TJP3: variants seen among roughly 807,000 people sequenced by gnomAD.
TJP3 encodes the protein tight junction protein ZO-3.
Under a neutral mutation model 104.2 loss-of-function variants are expected in TJP3, and 85 were observed. The observed-to-expected ratio is 0.82, with a 90% CI of 0.68 to 0.98. The LOEUF (loss-of-function observed/expected upper bound fraction) is 0.98. Ranked by LOEUF, TJP3 falls within the 50% of genes least tolerant of loss-of-function variation. The pLI is 0.00. For synonymous variants in TJP3, 550 were observed against 550.6 expected (o/e 1.00, Z 0.02); for missense variants, 1,367 against 1,322.8 (o/e 1.03, Z -0.52).
rs757816503 is a variant in TJP3 at position 3,746,746 on chromosome 19, C to T, written c.2222-30C>T. The T allele has an allele frequency of 4.4e-6, 7 of 1,600,542 alleles. No homozygotes were observed. In the South Asian group the frequency reaches 5.6e-5, roughly 13 times the overall value. On this transcript the variant is annotated intron_variant, in intron 17 of 20. Transcript: ENST00000541714. This position sits in a 1 kb window ranked among gnomAD's most constrained non-coding sequence, Gnocchi z 4.1. ...GGCGGGTGGGCCCCAGCCTGAGTCT[C>T]CTGCACACACTGACGTCCCCTCCCT... is the stretch of plus-strand genomic sequence containing the variant.
chr19:3,733,726 C>T (rs752926725), intron 6 of TJP3, 27 bp from the exon 7 acceptor site: 40 of 1,612,110 alleles, frequency 2.5e-5, no homozygotes, highest in African/African-American at 6.7e-5. Flanking sequence ...AACTCACTTC[C>T]GCTCTTTCAT....
Position 3,747,864 on chromosome 19 carries a change from G to C in TJP3, c.2393G>C (p.Ser798Thr). 1.2e-6 allele frequency: 2 copies of C among 1,612,362 alleles called. No individual in the cohort carries two copies. Among genetic ancestry groups the C allele is most frequent in the Non-Finnish European group, 1.7e-6 (2 of 1,179,846 alleles). ...HGLADSSADLSCDSRVNSDYE... is the reference protein window; with the variant it reads ...HGLADSSADLTCDSRVNSDYE... The stretch of plus-strand genomic sequence containing the variant: ...CTGGCCGACAGCTCCGCTGACCTCA[G>C]CTGCGACAGCCGCGTTAACAGCGAC... The change falls in exon 19 of 21, where the codon AGC becomes ACC. Residue 798 changes from serine to threonine, a missense_variant. By Grantham distance (58) the Ser-to-Thr change is moderately conservative. Transcript: ENST00000541714.
chr19:3,739,234 G>C, intron 13 of TJP3, 100 bp downstream of exon 13: 1 of 1,131,328 alleles, frequency 8.8e-7, no homozygotes, highest in South Asian at 1.7e-5. Context: ...GCTCAGGCCT[G>C]TAATCCTGGC....
chr19:3,723,796 A>AG (rs1415923659), intron 1 of TJP3, among the ~76,000 whole-genome samples: 1 of 62,070 alleles, frequency 1.6e-5, no homozygotes, highest in Admixed American at 2.3e-4. Flanking sequence ...CTGTCTCAAA[A>AG]GAAAAAAAAA....
At chr19:3,714,108 T>C (rs1373565684) in intron 1 of TJP3, among the ~76,000 whole-genome samples, 1 of 151,850 alleles carries the variant, frequency 6.6e-6, no homozygotes, top group East Asian at 1.9e-4. Context: ...TGGAGTGCAG[T>C]GGCGCAATCT....
rs1599152351 is a variant in TJP3, at chr19:3,730,722, A to G, written c.613+16A>G. 1 of 1,600,584 alleles carries G rather than the reference A, an allele frequency of 6.2e-7. No homozygotes were observed. The highest frequency in any genetic ancestry group is 1.1e-5 in the South Asian group (1 of 90,844). ...GACAGCGAAGGTCAGAAGAGGCGGG[A>G]GGTCGGACACGATCAGTACTGGACA... On this transcript the variant is annotated intron_variant, in intron 5 of 20. Transcript: ENST00000541714. This position sits in a 1 kb window ranked among gnomAD's most constrained non-coding sequence, Gnocchi z 7.3.
Position 3,730,313 on chromosome 19 carries a change from C to T in TJP3, c.262-42C>T, listed in dbSNP as rs866239884. ...GGGGGCTGAGCAGAGCCTCCCCCAG[C>T]CCTTGCCTGTAGCTGACCCTTCCTG... On this transcript the variant is annotated intron_variant, in intron 4 of 20. Coordinates refer to ENST00000541714, the MANE Select transcript of TJP3 (RefSeq NM_001267560.2). This position sits in a 1 kb window ranked among gnomAD's most constrained non-coding sequence, Gnocchi z 7.3. 3 of 1,498,154 alleles carry T rather than the reference C, an allele frequency of 2.0e-6. No homozygotes were observed. In the Middle Eastern group the frequency reaches 5.8e-4, roughly 288 times the overall value. 92.8% of individuals were successfully genotyped at this position (1,498,154 alleles called of 1,614,324 possible).
intron 15 of TJP3, among the ~76,000 whole-genome samples, chr19:3,745,604 T>C (rs997437402): frequency 5.3e-5 from 8 of 152,158 alleles, no homozygotes; most frequent in Admixed American, 5.2e-4. Flanking sequence ...AGAAGACAGA[T>C]AGGGGCAAGA....
intron 14 of TJP3, chr19:3,743,690 A>G (rs1304855858): frequency 2.3e-6 from 1 of 430,290 alleles, no homozygotes; most frequent in African/African-American, 2.0e-5. Flanking sequence ...AGAGGGGCTT[A>G]TTCCTGCCCT....
chr19:3,744,332 G>A (rs955697276), intron 15 of TJP3, among the ~76,000 whole-genome samples: 3 of 152,160 alleles, frequency 2.0e-5, no homozygotes, highest in Non-Finnish European at 4.4e-5. Flanking sequence ...CAGTGAACAC[G>A]ACAGGCAAGG....
intron 1 of TJP3, among the ~76,000 whole-genome samples, chr19:3,710,792 C>T (rs1365575094): frequency 6.6e-6 from 1 of 151,914 alleles, no homozygotes; most frequent in African/African-American, 2.4e-5. Flanking sequence ...TTCCTGCTCT[C>T]GTGGGGCGCA....
At chr19:3,737,933 T>C (rs551049866) in intron 11 of TJP3, among the ~76,000 whole-genome samples, 10 of 152,146 alleles carry the variant, frequency 6.6e-5, no homozygotes, top group Admixed American at 3.3e-4. Flanking sequence ...GCTGTCCATG[T>C]CGTGACCCTG....
intron 19 of TJP3, among the ~76,000 whole-genome samples, 186 bp downstream of exon 19, chr19:3,748,267 AT>A (rs1274711670): frequency 0.11 from 13,341 of 119,674 alleles, 592 homozygotes; most frequent in South Asian, 0.24. Context: ...AACTTGCAGC[AT>A]TTTTTTTTTT....
Position 3,726,780 on chromosome 19 carries a change from T to C in TJP3, c.-9-1644T>C, listed in dbSNP as rs547847164. Among the ~76,000 whole-genome samples, 5 of 151,758 alleles carry C rather than the reference T, an allele frequency of 3.3e-5. No individual in the cohort carries two copies. The South Asian group carries it at 1.0e-3, about 32-fold the overall frequency. ...CAGGAGGCTGGGGCAGGAGGATTGC[T>C]TGAAGCCAGGAGTTCGAGGCTGCAG... On this transcript the variant is annotated intron_variant, in intron 1 of 20. Coordinates refer to ENST00000541714, the MANE Select transcript of TJP3 (RefSeq NM_001267560.2).
intron 1 of TJP3, among the ~76,000 whole-genome samples, chr19:3,727,369 G>A (rs2036610626): frequency 6.6e-6 from 1 of 150,998 alleles, no homozygotes; most frequent in South Asian, 2.1e-4. Flanking sequence ...TGTAGTCCCA[G>A]ATACTTGGGA....
At chr19:3,747,028 G>C (rs1269583280) in intron 18 of TJP3, 152 bp downstream of exon 18, 9 of 725,832 alleles carry the variant, frequency 1.2e-5, no homozygotes, top group Non-Finnish European at 1.8e-5. Flanking sequence ...AAGGGTGTTG[G>C]ACTGGAACTT....
rs1260552600 is a variant in TJP3, at chr19:3,746,287, C to CA, written c.2011-197dup. ...AACAGCAGCCAGCCCTGGGCAAAGG[C>CA]AGAGAGACTCAAGTTGAGGTTTTGA... On this transcript the variant is annotated intron_variant, in intron 16 of 20. Transcript: ENST00000541714. The surrounding 1 kb of genome is among the most constrained non-coding windows in gnomAD (Gnocchi z 4.1). Among the ~76,000 whole-genome samples the CA allele has an allele frequency of 6.6e-6, 1 of 152,126 alleles. No homozygotes were observed. Among genetic ancestry groups the CA allele is most frequent in the African/African-American group, 2.4e-5 (1 of 41,408 alleles).
chr19:3,721,893 A>G (rs1568379406), intron 1 of TJP3: 1 of 1,181,148 alleles, frequency 8.5e-7, no homozygotes, highest in Non-Finnish European at 1.0e-6. Context: ...CAGGTGGACC[A>G]TGGCGGTGAG....
intron 1 of TJP3, among the ~76,000 whole-genome samples, chr19:3,724,274 C>A (rs924082814): frequency 6.6e-6 from 1 of 151,920 alleles, no homozygotes; most frequent in African/African-American, 2.4e-5. Context: ...TGGCTCACTG[C>A]AAGCTCCGCC....
Sources: allele counts gnomAD v4.1 joint callset (sites outside exome capture counted in the v4.1 genomes callset), GRCh38; gene constraint gnomAD v4.1.1; non-coding constraint Gnocchi (gnomAD v3.1); transcripts MANE v1.5; gene names NCBI Gene and HGNC (gene_info 2026-07-23, HGNC 2026-07-21).